The following RBFOX3 variants were observed in gnomAD, a reference collection of about 807,000 sequenced individuals.
RBFOX3 encodes RNA binding fox-1 homolog 3, also known as RNA binding protein fox-1 homolog 3.
RBFOX3 carries 17 observed loss-of-function variants against 48.7 expected under a neutral mutation model. That is an observed-to-expected ratio of 0.35 (90% CI 0.24 to 0.52). The LOEUF is 0.52. Among genes scored for constraint, RBFOX3 ranks in the 20% least tolerant of loss-of-function variants. The probability of loss-of-function intolerance (pLI) is 0.94; values close to 1 mark genes in which losing one functional copy is unlikely to be tolerated. For missense variants in RBFOX3, 382 were observed against 497.5 expected, an observed-to-expected ratio of 0.77 and a Z score of 2.21; for synonymous variants, 212 against 209.5, an observed-to-expected ratio of 1.01 and a Z score of -0.10.
intron 2 of RBFOX3, among the ~76,000 whole-genome samples, chr17:79,338,867 T>G (rs2081600614): frequency 1.3e-5 from 2 of 152,200 alleles, no homozygotes; most frequent in African/African-American, 4.8e-5. Flanking sequence ...GTTTCTACTC[T>G]TCCTTCCCAT....
intron 1 of RBFOX3, among the ~76,000 whole-genome samples, chr17:79,497,036 C>A (rs1019349798): frequency 2.0e-5 from 3 of 152,188 alleles, no homozygotes; most frequent in Non-Finnish European, 1.5e-5. Context: ...AGAAGCGGGG[C>A]TGTCATGAGC....
chr17:79,519,929 T>C (rs1262589884), intron 1 of RBFOX3, among the ~76,000 whole-genome samples: 1 of 152,166 alleles, frequency 6.6e-6, no homozygotes, highest in Non-Finnish European at 1.5e-5. Flanking sequence ...TCCCCATGGC[T>C]GGTTTTCCTC....
At chr17:79,517,281 AC>A (rs1303163163) in intron 1 of RBFOX3, among the ~76,000 whole-genome samples, 1 of 152,042 alleles carries the variant, frequency 6.6e-6, no homozygotes, top group Non-Finnish European at 1.5e-5. Context: ...CCCTGCCTCT[AC>A]TAAAAATAAA....
At chr17:79,611,130 T>TCCCTCTCTCTCTCTCTCTCTCTCTCTC (rs1491548376), upstream of RBFOX3, among the ~76,000 whole-genome samples, 1 of 37,846 alleles carries the variant, frequency 2.6e-5, no homozygotes, top group Admixed American at 2.4e-4. Context: ...TCCGCCCTCC[T>TCCCTCTCTCTCTCTCTCTCTCTCTCTC]TCTCTCTCTC....
chr17:79,145,430 C>T (rs1176363631), intron 4 of RBFOX3, among the ~76,000 whole-genome samples: 1 of 152,218 alleles, frequency 6.6e-6, no homozygotes, highest in African/African-American at 2.4e-5. Context: ...AGGCCACTGG[C>T]CTGGGGCGAA....
At chr17:79,569,456 T>C (rs1916145050) in intron 1 of RBFOX3, among the ~76,000 whole-genome samples, 1 of 152,208 alleles carries the variant, frequency 6.6e-6, no homozygotes, top group Admixed American at 6.5e-5. Context: ...GTGGATATAC[T>C]ACATTTTGTT....
chr17:79,642,620 GA>G, the RBFOX3 span, among the ~76,000 whole-genome samples: 13 of 151,714 alleles, frequency 8.6e-5, no homozygotes, highest in East Asian at 9.7e-4. Context: ...TTATTATAGG[GA>G]AAAAAAGTAT....
At chr17:79,476,814 C>T (rs370274096) in intron 2 of RBFOX3, among the ~76,000 whole-genome samples, 9 of 145,662 alleles carry the variant, frequency 6.2e-5, no homozygotes, top group South Asian at 2.2e-4. Context: ...AGTGGGGTGG[C>T]GGGGACAGAG....
intron 3 of RBFOX3, among the ~76,000 whole-genome samples, chr17:79,302,517 T>A (rs1178809047): frequency 6.6e-6 from 1 of 152,060 alleles, no homozygotes; most frequent in African/African-American, 2.4e-5. Context: ...CCTTCTCTAC[T>A]AAAAATACAA....
At chr17:79,239,602 A>G (rs570448583) in intron 3 of RBFOX3, among the ~76,000 whole-genome samples, 3 of 152,236 alleles carry the variant, frequency 2.0e-5, no homozygotes, top group African/African-American at 7.2e-5. Context: ...GCACAACTCC[A>G]CACTCTTCCT....
intron 2 of RBFOX3, among the ~76,000 whole-genome samples, chr17:79,449,539 G>A (rs937132997): frequency 2.0e-5 from 3 of 151,826 alleles, no homozygotes; most frequent in Non-Finnish European, 2.9e-5. Context: ...CTAGAATTTT[G>A]CATAATTGCC....
At chr17:79,568,504 A>G (rs2092549026) in intron 1 of RBFOX3, among the ~76,000 whole-genome samples, 4 of 152,296 alleles carry the variant, frequency 2.6e-5, no homozygotes, top group Admixed American at 6.5e-5. Flanking sequence ...TCTGGTCCCA[A>G]CCATTTCAGA....
intron 1 of RBFOX3, among the ~76,000 whole-genome samples, chr17:79,504,224 AT>A (rs1178263347): frequency 6.6e-6 from 1 of 152,244 alleles, no homozygotes; most frequent in Admixed American, 6.5e-5. Context: ...AAAACCTGGC[AT>A]AGCAGGAGCC....
chr17:79,519,689 C>T (rs2085773970), intron 1 of RBFOX3, among the ~76,000 whole-genome samples: 1 of 152,206 alleles, frequency 6.6e-6, no homozygotes, highest in Non-Finnish European at 1.5e-5. Flanking sequence ...CCCTGTTTAC[C>T]TCGGGCCCCA....
intron 4 of RBFOX3, among the ~76,000 whole-genome samples, chr17:79,129,107 G>A (rs893547400): frequency 6.6e-6 from 1 of 152,198 alleles, no homozygotes; most frequent in African/African-American, 2.4e-5. Flanking sequence ...CATGGCAGGT[G>A]CTCAGTAAAT....
intron 1 of RBFOX3, among the ~76,000 whole-genome samples, chr17:79,541,606 T>C (rs2089704514): frequency 1.3e-5 from 2 of 152,124 alleles, no homozygotes; most frequent in African/African-American, 2.4e-5. Flanking sequence ...CACGAGCCCA[T>C]GTGATGGCAA....
At chr17:79,529,610 T>C (rs1174476318) in intron 1 of RBFOX3, among the ~76,000 whole-genome samples, 1 of 152,122 alleles carries the variant, frequency 6.6e-6, no homozygotes, top group Non-Finnish European at 1.5e-5. Flanking sequence ...GGGAAGAGGA[T>C]GCTTGTGTGA....
intron 1 of RBFOX3, among the ~76,000 whole-genome samples, chr17:79,557,264 A>AG: frequency 6.6e-6 from 1 of 151,354 alleles, no homozygotes; most frequent in Admixed American, 6.6e-5. Flanking sequence ...AGGAAAGGAA[A>AG]GAAATTGCCC....
chr17:79,632,724 C>G, the RBFOX3 span, among the ~76,000 whole-genome samples: 1 of 137,860 alleles, frequency 7.3e-6, no homozygotes, highest in Non-Finnish European at 1.5e-5. Flanking sequence ...GGCAACATAG[C>G]AAGACCACGT....
Sources: allele counts gnomAD v4.1 joint callset (sites outside exome capture counted in the v4.1 genomes callset), GRCh38; gene constraint gnomAD v4.1.1; transcripts MANE v1.5; gene names NCBI Gene and HGNC (gene_info 2026-07-23, HGNC 2026-07-21).